The following MGAT4C variants were observed in gnomAD, a reference collection of about 807,000 sequenced individuals.
The protein encoded by MGAT4C is MGAT4 family member C.
MGAT4C carries 19 observed loss-of-function variants against 40.1 expected under a neutral mutation model. That is an observed-to-expected ratio of 0.47 (90% CI 0.33 to 0.70). The LOEUF (loss-of-function observed/expected upper bound fraction) is 0.70. Ranked by LOEUF, MGAT4C falls within the 30% of genes least tolerant of loss-of-function variation. The pLI is 0.02. For synonymous variants in MGAT4C, 181 were observed against 187.1 expected (o/e 0.97, Z 0.27); for missense variants, 491 against 563.2 (o/e 0.87, Z 1.30).
At chr12:86,241,601 T>C (rs1317543188) in intron 1 of MGAT4C, among the ~76,000 whole-genome samples, 2 of 152,218 alleles carry the variant, frequency 1.3e-5, no homozygotes, top group African/African-American at 2.4e-5. Flanking sequence ...GACACCATTC[T>C]TGAAAGTCTA....
chr12:86,616,077 A>G (rs1347166162), intron 2 of MGAT4C, among the ~76,000 whole-genome samples: 1 of 152,118 alleles, frequency 6.6e-6, no homozygotes, highest in Non-Finnish European at 1.5e-5. Flanking sequence ...GAATAGAGCT[A>G]TGTACACAAT....
upstream of MGAT4C, among the ~76,000 whole-genome samples, chr12:86,258,495 A>G (rs1952588580): frequency 6.6e-6 from 1 of 151,852 alleles, no homozygotes; most frequent in Non-Finnish European, 1.5e-5. Context: ...AAACTTAAAT[A>G]CTCCTAGGGC....
intron 2 of MGAT4C, among the ~76,000 whole-genome samples, chr12:86,494,234 ATGAAG>A (rs1216774589): frequency 3.3e-5 from 5 of 151,962 alleles, no homozygotes; most frequent in African/African-American, 1.2e-4. Flanking sequence ...TGTAATTTTG[ATGAAG>A]TGAAGTTTAT....
chr12:86,367,627 G>A lies in MGAT4C; in HGVS notation c.-119-33500C>T, dbSNP rs569683293. Among the ~76,000 whole-genome samples, 3 of 152,070 alleles carry A rather than the reference G, an allele frequency of 2.0e-5. No individual in the cohort carries two copies. In the East Asian group the frequency reaches 5.8e-4, roughly 30 times the overall value. On this transcript the variant is annotated intron_variant, in intron 3 of 7. Coordinates refer to the MGAT4C transcript ENST00000548651. ...ATCCTCACTAACACGGTGAAACCTCGCCTCTACTAAAAATACAAAAAATTA... is the reference window on the plus strand; with the variant it reads ...ATCCTCACTAACACGGTGAAACCTCACCTCTACTAAAAATACAAAAAATTA...
chr12:86,437,984 A>G (rs1299858322), intron 2 of MGAT4C, among the ~76,000 whole-genome samples: 1 of 151,930 alleles, frequency 6.6e-6, no homozygotes, highest in African/African-American at 2.4e-5. Context: ...CTAAGTGTTC[A>G]AGTGAAAGGA....
chr12:86,631,413 T>A (rs1280260849), intron 2 of MGAT4C, among the ~76,000 whole-genome samples: 1 of 152,056 alleles, frequency 6.6e-6, no homozygotes, highest in Admixed American at 6.5e-5. Flanking sequence ...ACTTTGAAGT[T>A]CATATGGAAC....
intron 2 of MGAT4C, among the ~76,000 whole-genome samples, chr12:86,039,149 T>A (rs973277641): frequency 2.0e-5 from 3 of 152,128 alleles, no homozygotes; most frequent in African/African-American, 7.2e-5. Context: ...CTGCCCTTAA[T>A]ATTTTTTTCC....
chr12:86,363,190 C>A (rs1955520470), intron 3 of MGAT4C, among the ~76,000 whole-genome samples: 1 of 151,790 alleles, frequency 6.6e-6, no homozygotes, highest in Admixed American at 6.6e-5. Context: ...TAAAATTATA[C>A]CCAACAGTTG....
rs1296158174 is a variant in MGAT4C at position 85,975,257 on chromosome 12, A to G, written c.*4032T>C. On this transcript the variant is annotated 3_prime_UTR_variant, in exon 5 of 5. Coordinates refer to ENST00000611864, the MANE Select transcript of MGAT4C (RefSeq NM_001351288.2). Reference sequence around the variant, plus strand: ...AGGCTGAATAACATTTTTAAAGGGCAGTAAATTTTATAATTGTTATTGATT... The same window carrying G: ...AGGCTGAATAACATTTTTAAAGGGCGGTAAATTTTATAATTGTTATTGATT... 1 of 150,988 alleles carries G rather than the reference A, an allele frequency of 6.6e-6. No individual in the cohort carries two copies. Among genetic ancestry groups the G allele is most frequent in the Non-Finnish European group, 1.5e-5 (1 of 67,142 alleles). The allele number at this position is 150,988 out of a possible 1,614,324, so 9.4% of individuals were successfully genotyped here. A position where few individuals can be genotyped will look rare whatever the true frequency, so the allele number is the denominator to read the frequency against.
intron 4 of MGAT4C, among the ~76,000 whole-genome samples, chr12:86,262,078 T>C (rs1952669721): frequency 6.6e-6 from 1 of 152,102 alleles, no homozygotes; most frequent in Non-Finnish European, 1.5e-5. Flanking sequence ...CAATGTCCTG[T>C]ATGATCTGAC....
At chr12:86,062,063 C>T (rs1436745442) in intron 1 of MGAT4C, among the ~76,000 whole-genome samples, 3 of 152,260 alleles carry the variant, frequency 2.0e-5, no homozygotes, top group Non-Finnish European at 2.9e-5. Flanking sequence ...TCCCTGACCC[C>T]CACGTATCCT....
At chr12:86,307,539 A>G (rs868602008) in intron 4 of MGAT4C, among the ~76,000 whole-genome samples, 1 of 150,436 alleles carries the variant, frequency 6.6e-6, no homozygotes, top group Non-Finnish European at 1.5e-5. Context: ...AATGCTGTCT[A>G]TGCTCGGGCA....
rs1457615518 is a variant in MGAT4C at position 85,965,809 on chromosome 12, T to C, written c.*13480A>G. 1.3e-5 allele frequency: 2 copies of C among 152,214 alleles called. No homozygotes were observed. The highest frequency in any genetic ancestry group is 4.1e-4 in the South Asian group (2 of 4,826). 9.4% of individuals were successfully genotyped at this position (152,214 alleles called of 1,614,324 possible). ...CAATTCTGTCCAAGTCTCTGAGTCA[T>C]GTACAGAACTCAAATTATTACATCA... On this transcript the variant is annotated 3_prime_UTR_variant, in exon 5 of 5. Transcript: ENST00000611864.
At chr12:86,320,750 G>C (rs1954365004) in intron 4 of MGAT4C, among the ~76,000 whole-genome samples, 2 of 151,944 alleles carry the variant, frequency 1.3e-5, no homozygotes, top group Admixed American at 1.3e-4. Flanking sequence ...TTACAACTGG[G>C]TTATGATTTA....
chr12:85,982,332 G>A (rs1238493714), intron 4 of MGAT4C, among the ~76,000 whole-genome samples: 2 of 152,120 alleles, frequency 1.3e-5, no homozygotes, highest in Non-Finnish European at 2.9e-5. Context: ...GGAATTACAG[G>A]TGTACACGAC....
At chr12:86,415,718 A>G (rs1183500980) in intron 3 of MGAT4C, among the ~76,000 whole-genome samples, 2 of 152,086 alleles carry the variant, frequency 1.3e-5, no homozygotes, top group Non-Finnish European at 2.9e-5. Context: ...TATCAAGGAG[A>G]ATTCAGAGAG....
intron 2 of MGAT4C, among the ~76,000 whole-genome samples, chr12:86,558,374 T>C (rs920210788): frequency 5.3e-5 from 8 of 152,030 alleles, no homozygotes; most frequent in Admixed American, 4.6e-4. Flanking sequence ...CAAATAGATT[T>C]AACACAAAAA....
chr12:86,422,909 C>A (rs576892409), intron 3 of MGAT4C, among the ~76,000 whole-genome samples: 1 of 152,250 alleles, frequency 6.6e-6, no homozygotes, highest in South Asian at 2.1e-4. Context: ...AACATTCCTG[C>A]TAATCTTTCC....
At chr12:86,019,363 G>A (rs1252388252) in intron 2 of MGAT4C, among the ~76,000 whole-genome samples, 3 of 152,090 alleles carry the variant, frequency 2.0e-5, no homozygotes, top group Non-Finnish European at 4.4e-5. Flanking sequence ...TAGCAAGTAT[G>A]CTGTCATACC....
Sources: gnomAD v4.1 joint callset for allele counts (sites outside exome capture counted in the v4.1 genomes callset) on GRCh38, gnomAD v4.1.1 for gene constraint, MANE v1.5 for transcripts, NCBI Gene and HGNC (gene_info 2026-07-23, HGNC 2026-07-21) for gene names.